ARMH4: variants seen among roughly 807,000 people sequenced by gnomAD.
ARMH4 encodes the protein armadillo like helical domain containing 4, also known as armadillo-like helical domain-containing protein 4.
A neutral mutation model predicts 61.9 loss-of-function variants in ARMH4; 49 were observed. The ratio of observed to expected loss-of-function variants is 0.79; its 90% confidence interval spans 0.63 to 1.00. The LOEUF (loss-of-function observed/expected upper bound fraction) is 1.00. ARMH4 is among the 50% of genes least tolerant of loss of function. ARMH4 has a pLI of 0.00. For missense variants in ARMH4, 934 were observed against 930.0 expected (o/e 1.00, Z -0.06); for synonymous variants, 368 against 341.5 (o/e 1.08, Z -0.85).
chr14:58,039,576 G>T (rs988421414), intron 5 of ARMH4, among the ~76,000 whole-genome samples: 1 of 152,134 alleles, frequency 6.6e-6, no homozygotes, highest in Non-Finnish European at 1.5e-5. Context: ...GCCACAAAGG[G>T]TTAAGTCCAG....
At chr14:58,134,844 C>A (rs1887251738) in intron 2 of ARMH4, among the ~76,000 whole-genome samples, 1 of 151,646 alleles carries the variant, frequency 6.6e-6, no homozygotes, top group Non-Finnish European at 1.5e-5. Flanking sequence ...GTCATCCCAG[C>A]CACCCGGGAG....
At position 58,152,120 on chromosome 14, in the gene ARMH4, C is replaced by A. The variant is rs1409947530; in HGVS notation, c.-102G>T. 1.9e-5 allele frequency: 3 copies of A among 159,834 alleles called. No individual in the cohort carries two copies. The East Asian group carries it at 5.5e-4, about 29-fold the overall frequency. The allele number at this position is 159,834 out of a possible 1,614,324, so 9.9% of individuals were successfully genotyped here. Reference sequence around the variant, plus strand: ...AGCGCGCGGAGGACAGAGGCAGCGGCGGCGCGGGCGCTCGGCATCCCAGCG... The same window carrying A: ...AGCGCGCGGAGGACAGAGGCAGCGGAGGCGCGGGCGCTCGGCATCCCAGCG... On this transcript the variant is annotated 5_prime_UTR_variant, in exon 1 of 8. Transcript: ENST00000267485.
chr14:58,029,691 A>G (rs1040154392), intron 5 of ARMH4, among the ~76,000 whole-genome samples: 1 of 150,380 alleles, frequency 6.6e-6, no homozygotes, highest in African/African-American at 2.5e-5. Flanking sequence ...ATAAAAAAAG[A>G]AAGAGAAAAT....
In ARMH4 at chr14:58,138,135, T is replaced by C; in HGVS notation, c.1224A>G (p.Lys408=). Residue 408 remains lysine (K), a synonymous_variant, in exon 2 of 8, where the codon AAA becomes AAG. Coordinates refer to ENST00000267485, the MANE Select transcript of ARMH4 (RefSeq NM_001001872.4). ...TTTGGAGCAAGTTCACAATGGAAAC[T>C]TTCATGTCTTCCATCAGACTTGTGG... ...FTPTSLMEDM[K]VSIVNLLQST... 2.5e-6 allele frequency: 4 copies of C among 1,614,210 alleles called. 1 individual carries two copies. The highest frequency in any genetic ancestry group is 3.4e-6 in the Non-Finnish European group (4 of 1,180,042).
At chr14:58,067,243 A>G (rs1460817898) in intron 5 of ARMH4, among the ~76,000 whole-genome samples, 1 of 152,206 alleles carries the variant, frequency 6.6e-6, no homozygotes, top group Non-Finnish European at 1.5e-5. Context: ...TGAAAGTTTC[A>G]TTTATTTATT....
intron 4 of ARMH4, among the ~76,000 whole-genome samples, chr14:58,114,353 G>C (rs1296871481): frequency 6.6e-6 from 1 of 152,142 alleles, no homozygotes; most frequent in Admixed American, 6.5e-5. Context: ...ACTTGTCCTA[G>C]AGCACCGTTA....
Position 58,096,739 on chromosome 14 carries a change from G to A in ARMH4, c.2074C>T (p.Gln692Ter), listed in dbSNP as rs1469147827. 5 of 1,614,016 alleles carry A rather than the reference G, an allele frequency of 3.1e-6. No individual in the cohort carries two copies. The highest frequency in any genetic ancestry group is 4.2e-6 in the Non-Finnish European group (5 of 1,179,968). ...TGACTCTTACCCAGGCCTTGATTCT[G>A]CTGTTCCCACTCGAGGGCATCTGGC... ...QVPDALEWEQ[Q>*]NQGLVRSWME... Residue 692 changes from glutamine to a stop codon, truncating the protein, a stop_gained, in exon 5 of 8, where the codon CAG becomes TAG. Transcript: ENST00000267485. LOFTEE classifies it high-confidence loss of function.
chr14:58,114,217 G>A (rs1886447341), intron 4 of ARMH4, among the ~76,000 whole-genome samples: 1 of 152,144 alleles, frequency 6.6e-6, no homozygotes, highest in South Asian at 2.1e-4. Flanking sequence ...AAGTCAGGGT[G>A]TGATACAAAC....
chr14:58,126,619 C>G (rs997713527), intron 4 of ARMH4, among the ~76,000 whole-genome samples: 1 of 152,030 alleles, frequency 6.6e-6, no homozygotes, highest in Non-Finnish European at 1.5e-5. Flanking sequence ...ATGTATGGTG[C>G]CTGGCTGGGA....
At chr14:58,072,083 G>A (rs1262613993) in intron 5 of ARMH4, among the ~76,000 whole-genome samples, 3 of 152,112 alleles carry the variant, frequency 2.0e-5, no homozygotes, top group Middle Eastern at 3.4e-3. Flanking sequence ...ATAATTTTTT[G>A]TATTACCTCT....
intron 4 of ARMH4, among the ~76,000 whole-genome samples, chr14:58,115,231 TAAACA>T (rs1045265977): frequency 6.6e-6 from 1 of 151,666 alleles, no homozygotes; most frequent in African/African-American, 2.4e-5. Flanking sequence ...ATGAGAAATT[TAAACA>T]ATTCAACAAG....
intron 5 of ARMH4, among the ~76,000 whole-genome samples, chr14:58,081,803 G>A (rs1246687468): frequency 6.6e-6 from 1 of 152,148 alleles, no homozygotes; most frequent in Non-Finnish European, 1.5e-5. Flanking sequence ...ACCACGCCTG[G>A]CCAAGTTCAT....
At chr14:58,079,324 G>A (rs1885146753) in intron 5 of ARMH4, among the ~76,000 whole-genome samples, 1 of 152,178 alleles carries the variant, frequency 6.6e-6, no homozygotes, top group South Asian at 2.1e-4. Context: ...CCTTCATGCT[G>A]CATCATCCGA....
chr14:58,013,602 C>T (rs1396568981), intron 5 of ARMH4, among the ~76,000 whole-genome samples: 1 of 152,118 alleles, frequency 6.6e-6, no homozygotes, highest in Non-Finnish European at 1.5e-5. Context: ...CCACCCTTTA[C>T]AAAGCATGCC....
In ARMH4 at chr14:58,139,188, A is replaced by C. The variant is rs778943249; in HGVS notation, c.171T>G (p.Asn57Lys). Residue 57 changes from asparagine (N) to lysine (K), a missense_variant, in exon 2 of 8, where the codon AAT becomes AAG. Physicochemically the swap from Asn to Lys is moderately conservative, Grantham distance 94 (BLOSUM62 0). Coordinates refer to ENST00000267485, the MANE Select transcript of ARMH4 (RefSeq NM_001001872.4). ...GAGTCTGCTTTGAGGTAACAGAGCT[A>C]TTTTCTAGGTCATCGGTGTTCATCT... The part of the protein sequence containing the change: ...SDKMNTDDLE[N>K]SSVTSKQTPQ... 1 of 1,614,112 alleles carries C rather than the reference A, an allele frequency of 6.2e-7. No homozygotes were observed. The highest frequency in any genetic ancestry group is 8.5e-7 in the Non-Finnish European group (1 of 1,180,014).
chr14:58,010,940 T>C (rs559336920), intron 6 of ARMH4, among the ~76,000 whole-genome samples: 3 of 148,176 alleles, frequency 2.0e-5, no homozygotes, highest in Admixed American at 1.4e-4. Flanking sequence ...TTAATTTTCA[T>C]TGCATCATAT....
At chr14:58,144,140 C>T (rs1320163414) in intron 1 of ARMH4, among the ~76,000 whole-genome samples, 1 of 152,194 alleles carries the variant, frequency 6.6e-6, no homozygotes, top group Non-Finnish European at 1.5e-5. Flanking sequence ...GCATGTGCCA[C>T]AGCATGTCAA....
rs532305016 is a variant in ARMH4 at position 58,126,025 on chromosome 14, G to C, written c.1831+5487C>G. Among the ~76,000 whole-genome samples the C allele has an allele frequency of 6.0e-4, 91 of 152,230 alleles. No homozygotes were observed. In the South Asian group the frequency reaches 0.017, roughly 28 times the overall value. On this transcript the variant is annotated intron_variant, in intron 4 of 7. Coordinates refer to ENST00000267485, the MANE Select transcript of ARMH4 (RefSeq NM_001001872.4). The stretch of plus-strand genomic sequence containing the variant: ...AATCATCTATCACCTGAGACCACAG[G>C]GGGAGGGACAATGATCGGGATATAA...
At chr14:58,031,088 C>G (rs967073315) in intron 5 of ARMH4, among the ~76,000 whole-genome samples, 1 of 152,068 alleles carries the variant, frequency 6.6e-6, no homozygotes, top group African/African-American at 2.4e-5. Flanking sequence ...TAATAGGTAC[C>G]AGGTACTGGG....
Sources: gnomAD v4.1 joint callset for allele counts (sites outside exome capture counted in the v4.1 genomes callset) on GRCh38, gnomAD v4.1.1 for gene constraint, MANE v1.5 for transcripts, NCBI Gene and HGNC (gene_info 2026-07-23, HGNC 2026-07-21) for gene names.